Variants in INPP5A observed in about 807,000 individuals in gnomAD.
INPP5A encodes the protein 43 kDa inositol polyphosphate 5-phophatase.
INPP5A carries 14 observed loss-of-function variants against 65.2 expected under a neutral mutation model. That is an observed-to-expected ratio of 0.21 (90% CI 0.14 to 0.34). INPP5A has a LOEUF of 0.34. Ranked by LOEUF, INPP5A falls within the 10% of genes least tolerant of loss-of-function variation. The pLI, the probability that INPP5A is intolerant of heterozygous loss-of-function variation, is 1.00. For missense variants in INPP5A, 431 were observed against 545.6 expected, an observed-to-expected ratio of 0.79 and a Z score of 2.09; for synonymous variants, 207 against 208.3, an observed-to-expected ratio of 0.99 and a Z score of 0.05.
rs918927853 is a variant in INPP5A at position 132,538,666 on chromosome 10, G to A, written c.75+495G>A. On this transcript the variant is annotated intron_variant, in intron 1 of 15. Coordinates refer to ENST00000368594, the MANE Select transcript of INPP5A (RefSeq NM_005539.5). This position sits in a 1 kb window ranked among gnomAD's most constrained non-coding sequence, Gnocchi z 4.1. ...CCTGAACCCCAGGTCCATGGTCACT[G>A]GAACCACAAATCCTGACTGCAGAAC... Among the ~76,000 whole-genome samples the A allele has an allele frequency of 6.6e-6, 1 of 151,886 alleles. No individual in the cohort carries two copies. The highest frequency in any genetic ancestry group is 2.4e-5 in the African/African-American group (1 of 41,318).
At chr10:132,672,594 A>G (rs755530971) in intron 4 of INPP5A, among the ~76,000 whole-genome samples, 15 of 152,224 alleles carry the variant, frequency 9.9e-5, no homozygotes, top group Non-Finnish European at 2.1e-4. Context: ...AGGCCTTACC[A>G]GCCATGTGGA....
intron 4 of INPP5A, among the ~76,000 whole-genome samples, chr10:132,669,634 C>G (rs1187873153): frequency 6.6e-6 from 1 of 152,184 alleles, no homozygotes; most frequent in Non-Finnish European, 1.5e-5. Context: ...ATTCATGTGT[C>G]CTTAGTCTGA....
At chr10:132,594,289 T>TA (rs889066782) in intron 1 of INPP5A, among the ~76,000 whole-genome samples, 8 of 152,110 alleles carry the variant, frequency 5.3e-5, no homozygotes, top group Non-Finnish European at 1.2e-4. Context: ...TTACATGCAA[T>TA]AAAAAAACTG....
intron 4 of INPP5A, among the ~76,000 whole-genome samples, chr10:132,681,268 C>T (rs1564961959): frequency 6.6e-6 from 1 of 152,212 alleles, no homozygotes; most frequent in Non-Finnish European, 1.5e-5. Flanking sequence ...CTGCCCGAGC[C>T]AGCAGTGGCA....
In INPP5A at chr10:132,616,532, A is replaced by G. The variant is rs1374315177; in HGVS notation, c.117+8576A>G. On this transcript the variant is annotated intron_variant, in intron 2 of 15. Transcript: ENST00000368594. This position sits in a 1 kb window ranked among gnomAD's most constrained non-coding sequence, Gnocchi z 4.9. ...GTGGGATGCTGTGGTCACATGGGAC[A>G]TGGTGTATGGGACGTGGTGGTGACA... Among the ~76,000 whole-genome samples the G allele has an allele frequency of 1.3e-5, 2 of 151,976 alleles. No individual in the cohort carries two copies. The highest frequency in any genetic ancestry group is 2.9e-5 in the Non-Finnish European group (2 of 67,984).
Position 132,579,818 on chromosome 10 carries a change from C to T in INPP5A, c.76-28097C>T, listed in dbSNP as rs561749359. On this transcript the variant is annotated intron_variant, in intron 1 of 15. Coordinates refer to ENST00000368594, the MANE Select transcript of INPP5A (RefSeq NM_005539.5). The stretch of plus-strand genomic sequence containing the variant: ...TTCACAGGGCCCTATTTTCGTCTGA[C>T]CCCTGCTTCGTCATCCACCTGCCTC... Among the ~76,000 whole-genome samples the T allele has an allele frequency of 2.6e-5, 4 of 151,960 alleles. No homozygotes were observed. In the East Asian group the frequency reaches 7.7e-4, roughly 29 times the overall value.
intron 1 of INPP5A, among the ~76,000 whole-genome samples, chr10:132,589,288 G>T (rs114564555): frequency 6.6e-6 from 1 of 152,262 alleles, no homozygotes; most frequent in Non-Finnish European, 1.5e-5. Context: ...GGCCACGTGC[G>T]CATGCGGGCT....
At chr10:132,718,988 G>C (rs568740024) in intron 8 of INPP5A, among the ~76,000 whole-genome samples, 3 of 146,796 alleles carry the variant, frequency 2.0e-5, no homozygotes, top group East Asian at 4.1e-4. Flanking sequence ...TGTGGTACCT[G>C]GGTTCTGTCT....
chr10:132,724,799 TCA>T (rs1845956456), intron 8 of INPP5A, among the ~76,000 whole-genome samples: 1 of 137,024 alleles, frequency 7.3e-6, no homozygotes, highest in Admixed American at 7.5e-5. Flanking sequence ...TCTCCAGAAC[TCA>T]CGGGGGGCCC....
At chr10:132,540,146 C>T (rs1397628793) in intron 1 of INPP5A, among the ~76,000 whole-genome samples, 1 of 152,200 alleles carries the variant, frequency 6.6e-6, no homozygotes, top group Non-Finnish European at 1.5e-5. Flanking sequence ...TCAGAAATGT[C>T]AGGAGCATTA....
intron 1 of INPP5A, among the ~76,000 whole-genome samples, chr10:132,554,819 T>C (rs2071104671): frequency 6.8e-6 from 1 of 147,160 alleles, no homozygotes; most frequent in Non-Finnish European, 1.5e-5. Context: ...GGTGGCGTGG[T>C]ATTGTGTGTG....
Position 132,782,405 on chromosome 10 carries a change from G to A in INPP5A, c.*376G>A. ...CACAGAGACCCCCCACTGTGTCCAG[G>A]GACCCCCTCTGCCAGGTGGAGGTGT... On this transcript the variant is annotated 3_prime_UTR_variant, in exon 16 of 16. Transcript: ENST00000368594. This position sits in a 1 kb window ranked among gnomAD's most constrained non-coding sequence, Gnocchi z 4.4. The A allele has an allele frequency of 3.4e-6, 1 of 298,130 alleles. No homozygotes were observed. Among genetic ancestry groups the A allele is most frequent in the African/African-American group, 2.2e-5 (1 of 45,386 alleles). The allele number at this position is 298,130 out of a possible 1,614,324, so 18.5% of individuals were successfully genotyped here.
At position 132,667,259 on chromosome 10, in the gene INPP5A, G is replaced by A. The variant is rs192932773; in HGVS notation, c.306+16754G>A. ...GGAGCTCGGCTGTTTAATAAATGTC[G>A]GCTGTTCTTCCAACCATCATAATTA... On this transcript the variant is annotated intron_variant, in intron 4 of 15. Coordinates refer to ENST00000368594, the MANE Select transcript of INPP5A (RefSeq NM_005539.5). 3.9e-5 allele frequency among the ~76,000 whole-genome samples: 6 copies of A among 152,234 alleles called. No homozygotes were observed. The East Asian group carries it at 5.8e-4, about 15-fold the overall frequency.
chr10:132,672,653 G>A (rs578054689), intron 4 of INPP5A, among the ~76,000 whole-genome samples: 21 of 152,244 alleles, frequency 1.4e-4, no homozygotes, highest in African/African-American at 3.4e-4. Flanking sequence ...CCTCAGTCTC[G>A]GGTATGTATT....
intron 1 of INPP5A, among the ~76,000 whole-genome samples, chr10:132,558,524 C>T (rs1233946429): frequency 2.0e-5 from 3 of 152,216 alleles, no homozygotes; most frequent in African/African-American, 4.8e-5. Context: ...GGTCCATATG[C>T]ATGGGGTCCA....
At chr10:132,611,381 G>A (rs1361176724) in intron 2 of INPP5A, among the ~76,000 whole-genome samples, 69 of 142,334 alleles carry the variant, frequency 4.8e-4, no homozygotes, top group Non-Finnish European at 1.8e-4. Flanking sequence ...GGGAGGTGAG[G>A]TGGGCAGAGG....
rs373491008 is a variant in INPP5A at position 132,670,788 on chromosome 10, T to C, written c.307-19604T>C. Among the ~76,000 whole-genome samples the C allele has an allele frequency of 3.0e-4, 46 of 151,486 alleles. No individual in the cohort carries two copies. In the South Asian group the frequency reaches 7.7e-3, roughly 25 times the overall value. ...AGGGAAGAAGCCTCCCTTGACCCCG[T>C]ATCTCCCCAGCTCCTTGTCCTATAG... On this transcript the variant is annotated intron_variant, in intron 4 of 15. Coordinates refer to ENST00000368594, the MANE Select transcript of INPP5A (RefSeq NM_005539.5).
At chr10:132,699,349 G>A (rs1057127746) in intron 6 of INPP5A, among the ~76,000 whole-genome samples, 4 of 143,382 alleles carry the variant, frequency 2.8e-5, no homozygotes, top group Admixed American at 6.9e-5. Context: ...TGTGGGAAGC[G>A]TGGGTGCTGG....
At chr10:132,747,463 G>A (rs1013244063) in intron 9 of INPP5A, among the ~76,000 whole-genome samples, 1 of 152,286 alleles carries the variant, frequency 6.6e-6, no homozygotes, top group African/African-American at 2.4e-5. Context: ...GCCACCAGGA[G>A]GTAGACGCTG....
Sources: gnomAD v4.1 joint callset for allele counts (sites outside exome capture counted in the v4.1 genomes callset) on GRCh38, gnomAD v4.1.1 for gene constraint, Gnocchi (gnomAD v3.1) non-coding constraint, MANE v1.5 for transcripts, NCBI Gene and HGNC (gene_info 2026-07-23, HGNC 2026-07-21) for gene names.